Variants in TRIM37 observed in about 807,000 individuals in gnomAD.
The protein encoded by TRIM37 is E3 ubiquitin-protein ligase TRIM37.
Under a neutral mutation model 129.8 loss-of-function variants are expected in TRIM37, and 80 were observed. That is an observed-to-expected ratio of 0.62 (90% CI 0.51 to 0.74). The LOEUF is 0.74. Ranked by LOEUF, TRIM37 falls within the 30% of genes least tolerant of loss-of-function variation. The probability of loss-of-function intolerance (pLI) is 0.00; values close to 1 mark genes in which losing one functional copy is unlikely to be tolerated. For synonymous variants in TRIM37, 389 were observed against 387.1 expected (o/e 1.00, Z -0.06); for missense variants, 1,054 against 1,176.5 (o/e 0.90, Z 1.52).
At chr17:59,089,335 T>G (rs987131225) in intron 3 of TRIM37, among the ~76,000 whole-genome samples, 1 of 152,080 alleles carries the variant, frequency 6.6e-6, no homozygotes, top group Non-Finnish European at 1.5e-5. Flanking sequence ...CTCTTTTAAG[T>G]TAAAATTAAA....
At chr17:59,036,769 C>T (rs545683824) in intron 17 of TRIM37, among the ~76,000 whole-genome samples, 5 of 152,178 alleles carry the variant, frequency 3.3e-5, no homozygotes, top group South Asian at 2.1e-4. Context: ...CATAACTTAA[C>T]ATCGTAATTC....
chr17:59,034,193 T>C (rs1267299419), intron 17 of TRIM37, among the ~76,000 whole-genome samples: 1 of 152,058 alleles, frequency 6.6e-6, no homozygotes, highest in Non-Finnish European at 1.5e-5. Flanking sequence ...TTAAGTCCAG[T>C]AGCCCAGTGA....
chr17:59,081,549 G>A (rs1458653870), intron 5 of TRIM37, among the ~76,000 whole-genome samples: 1 of 152,136 alleles, frequency 6.6e-6, no homozygotes, highest in Non-Finnish European at 1.5e-5. Context: ...AGGCAAACTA[G>A]TCTTCTTCCA....
chr17:59,077,666 A>C (rs1362433148), intron 7 of TRIM37, among the ~76,000 whole-genome samples: 2 of 151,546 alleles, frequency 1.3e-5, no homozygotes, highest in Non-Finnish European at 2.9e-5. Context: ...AAAAATTAGC[A>C]GGGCGTGGTG....
intron 19 of TRIM37, among the ~76,000 whole-genome samples, chr17:59,019,258 TCAA>T (rs1567990137): frequency 6.6e-6 from 1 of 152,066 alleles, no homozygotes; most frequent in Non-Finnish European, 1.5e-5. Context: ...CAAATATCCA[TCAA>T]CTAATGAGTG....
intron 2 of TRIM37, among the ~76,000 whole-genome samples, chr17:59,092,509 T>C (rs1252508484): frequency 6.6e-6 from 1 of 151,974 alleles, no homozygotes; most frequent in Non-Finnish European, 1.5e-5. Context: ...ATGTCTCTAC[T>C]AAACCAAAAA....
Position 59,032,037 on chromosome 17 carries a change from A to T in TRIM37, c.1807T>A (p.Leu603Ile). The T allele has an allele frequency of 6.2e-7, 1 of 1,614,176 alleles. No homozygotes were observed. The highest frequency in any genetic ancestry group is 8.5e-7 in the Non-Finnish European group (1 of 1,180,048). ...SSSRISRRTHLCSAATSSLLD... is the reference protein window; with the variant it reads ...SSSRISRRTHICSAATSSLLD... ...AAACTACTGGTAGCAGCGGAGCATA[A>T]ATGTGTTCTTCTTGATATTCTACTA... Residue 603 changes from leucine to isoleucine, a missense_variant, in exon 18 of 24, where the codon TTA (leucine) becomes ATA (isoleucine). This residue lies in a region of TRIM37 where 752 missense variants were observed against 870.8 expected (regional missense o/e 0.86). Transcript: ENST00000262294.
intron 16 of TRIM37, among the ~76,000 whole-genome samples, chr17:59,046,677 C>T (rs1476768517): frequency 6.6e-6 from 1 of 151,534 alleles, no homozygotes; most frequent in Non-Finnish European, 1.5e-5. Context: ...GCTGGGACTA[C>T]AGGCGCCTGC....
At chr17:59,020,697 C>T in intron 19 of TRIM37, among the ~76,000 whole-genome samples, 1 of 152,040 alleles carries the variant, frequency 6.6e-6, no homozygotes, top group East Asian at 1.9e-4. Context: ...AGACGACACA[C>T]AAATAGCAAA....
chr17:59,061,180 A>T (rs978631744), intron 11 of TRIM37, 72 bp from the exon 12 acceptor site: 2 of 1,167,858 alleles, frequency 1.7e-6, no homozygotes, highest in South Asian at 1.3e-5. Context: ...ATAATATCTG[A>T]TATCTAGATT....
intron 22 of TRIM37, among the ~76,000 whole-genome samples, chr17:59,010,909 G>A (rs1190296048): frequency 3.3e-5 from 5 of 152,010 alleles, no homozygotes; most frequent in South Asian, 2.1e-4. Context: ...GGTGGCTCAC[G>A]CCTGTAATCC....
chr17:59,007,198 C>CACACAA, intron 22 of TRIM37, among the ~76,000 whole-genome samples: 1 of 83,426 alleles, frequency 1.2e-5, no homozygotes, highest in Non-Finnish European at 2.2e-5. Flanking sequence ...CACACACACA[C>CACACAA]ACACACACTA....
chr17:59,025,806 C>T (rs913214619), intron 19 of TRIM37, among the ~76,000 whole-genome samples: 2 of 152,030 alleles, frequency 1.3e-5, no homozygotes, highest in Non-Finnish European at 2.9e-5. Context: ...TTGAGAAAGT[C>T]CACCCAAAAA....
At chr17:58,996,863 C>T (rs765599795), downstream of TRIM37, among the ~76,000 whole-genome samples, 32 of 151,318 alleles carry the variant, frequency 2.1e-4, no homozygotes, top group Non-Finnish European at 3.4e-4. Flanking sequence ...AACATCATAT[C>T]CCCCCTGATG....
chr17:59,069,395 T>A (rs1176293121), intron 9 of TRIM37, among the ~76,000 whole-genome samples: 1 of 151,702 alleles, frequency 6.6e-6, no homozygotes, highest in African/African-American at 2.4e-5. Context: ...AATAAAATAG[T>A]ACAATGAATG....
At chr17:59,041,089 G>T (rs1242506331) in intron 17 of TRIM37, among the ~76,000 whole-genome samples, 1 of 151,986 alleles carries the variant, frequency 6.6e-6, no homozygotes, top group Non-Finnish European at 1.5e-5. Context: ...TTCATACTGA[G>T]GAGAACATGG....
chr17:59,079,668 T>A, intron 7 of TRIM37, 86 bp downstream of exon 7: 2 of 1,544,756 alleles, frequency 1.3e-6, no homozygotes, highest in Non-Finnish European at 1.8e-6. Flanking sequence ...GATTCCTTCC[T>A]AGGATGATCA....
chr17:59,056,031 A>G (rs1164762305), intron 13 of TRIM37, among the ~76,000 whole-genome samples: 1 of 152,196 alleles, frequency 6.6e-6, no homozygotes, highest in Non-Finnish European at 1.5e-5. Context: ...TAGTTGCTTT[A>G]TAAAATTAAG....
intron 3 of TRIM37, among the ~76,000 whole-genome samples, chr17:59,090,818 G>A (rs1207013666): frequency 6.6e-6 from 1 of 152,064 alleles, no homozygotes; most frequent in East Asian, 1.9e-4. Context: ...TAGAGACAAG[G>A]TTTCACTATG....
Sources: gnomAD v4.1 joint callset for allele counts (sites outside exome capture counted in the v4.1 genomes callset) on GRCh38, gnomAD v4.1.1 for gene constraint, gnomAD v4.1.1 regional missense constraint, MANE v1.5 for transcripts, NCBI Gene and HGNC (gene_info 2026-07-23, HGNC 2026-07-21) for gene names.